The following SCARB1 variants were observed in gnomAD, a reference collection of about 807,000 sequenced individuals.
SCARB1 encodes the protein scavenger receptor class B member 1.
SCARB1 carries 30 observed loss-of-function variants against 57.2 expected under a neutral mutation model. The ratio of observed to expected loss-of-function variants is 0.52; its 90% CI spans 0.39 to 0.71. The LOEUF is 0.71. SCARB1 is among the 30% of genes least tolerant of loss of function. The pLI is 0.00. For synonymous variants in SCARB1, 249 were observed against 268.3 expected (o/e 0.93, Z 0.70); for missense variants, 543 against 671.2 (o/e 0.81, Z 2.11).
In SCARB1 at chr12:124,817,692, G is replaced by C. The variant is rs905029865; in HGVS notation, c.142C>G (p.Pro48Ala). The C allele has an allele frequency of 3.7e-5, 60 of 1,614,106 alleles. No individual in the cohort carries two copies. Among genetic ancestry groups the C allele is most frequent in the Non-Finnish European group, 4.2e-5 (50 of 1,180,050 alleles). ...QQVLKNVRID[P>A]SSLSFNMWKE... ...CACATGTTGAAGGACAGGCTACTGG[G>C]GTCGATGCGCACGTTCTGCAGGGGA... is the stretch of plus-strand genomic sequence containing the variant. Residue 48 changes from proline to alanine, a missense_variant, in exon 2 of 13, where the codon CCC (proline) becomes GCC (alanine). Physicochemically the swap from Pro to Ala is conservative, Grantham distance 27. Transcript: ENST00000261693. This position sits in a 1 kb window ranked among gnomAD's most constrained non-coding sequence, Gnocchi z 4.8.
intron 2 of SCARB1, among the ~76,000 whole-genome samples, chr12:124,816,098 G>T (rs1304576244): frequency 6.6e-6 from 1 of 152,144 alleles, no homozygotes; most frequent in African/African-American, 2.4e-5. Context: ...TTCCCACCAT[G>T]CGGGTCCAGT....
chr12:124,803,264 G>A (rs1594240312), intron 7 of SCARB1, among the ~76,000 whole-genome samples: 2 of 152,194 alleles, frequency 1.3e-5, no homozygotes, highest in African/African-American at 4.8e-5. Context: ...CACGGGGTGC[G>A]TTGACTTTGT....
chr12:124,784,222 G>T, intron 11 of SCARB1: 1 of 152,434 alleles, frequency 6.6e-6, no homozygotes. Context: ...TGTGGGTTCT[G>T]AGTCCTTCTG....
rs747157 is a variant in SCARB1 at position 124,778,494 on chromosome 12, G to A, written c.*93C>T. On this transcript the variant is annotated 3_prime_UTR_variant, in exon 13 of 13. Transcript: ENST00000261693. ...AGGCTGTGGGGCTGGGGGGCTGTCC[G>A]CTGGGAGAGTCCGGGAGAAGCGGGG... The A allele has an allele frequency of 9.6e-6, 13 of 1,353,048 alleles. No individual in the cohort carries two copies. Among genetic ancestry groups the A allele is most frequent in the South Asian group, 4.1e-5 (2 of 49,362 alleles). The allele number at this position is 1,353,048 out of a possible 1,614,324, so 83.8% of individuals were successfully genotyped here.
chr12:124,778,646 T>TTCCCCC, intron 12 of SCARB1, 60 bp from the exon 13 acceptor site: 4 of 1,337,868 alleles, frequency 3.0e-6, no homozygotes, highest in Non-Finnish European at 3.8e-6. Flanking sequence ...CCCACCCTCA[T>TTCCCCC]CCCCGCCCAC....
In SCARB1 at chr12:124,857,425, T is replaced by C. The variant is rs551585147; in HGVS notation, c.126+6170A>G. ...AAGGCACAAACTCAGGGACAGCCGGTGACATCCCTGGCTGGCCCTGGTGCC... is the reference window on the plus strand; with the variant it reads ...AAGGCACAAACTCAGGGACAGCCGGCGACATCCCTGGCTGGCCCTGGTGCC... On this transcript the variant is annotated intron_variant, in intron 1 of 12. Coordinates refer to ENST00000261693, the MANE Select transcript of SCARB1 (RefSeq NM_005505.5). Among the ~76,000 whole-genome samples the C allele has an allele frequency of 3.2e-4, 48 of 152,310 alleles. No individual in the cohort carries two copies. In the South Asian group the frequency reaches 9.2e-3, roughly 29 times the overall value.
intron 1 of SCARB1, among the ~76,000 whole-genome samples, chr12:124,856,745 C>T (rs531181843): frequency 6.6e-6 from 1 of 152,198 alleles, no homozygotes; most frequent in Non-Finnish European, 1.5e-5. Flanking sequence ...GGCCTCCCCC[C>T]CAGGTTCCGC....
At position 124,778,465 on chromosome 12, in the gene SCARB1, G is replaced by A; in HGVS notation, c.*122C>T. On this transcript the variant is annotated 3_prime_UTR_variant, in exon 13 of 13. Transcript: ENST00000261693. Reference sequence around the variant, plus strand: ...GCAACAGGCACATGGCAGCTGGGAGGCTCAGGCTGTGGGGCTGGGGGGCTG... The same window carrying A: ...GCAACAGGCACATGGCAGCTGGGAGACTCAGGCTGTGGGGCTGGGGGGCTG... 1.5e-6 allele frequency: 2 copies of A among 1,333,754 alleles called. No homozygotes were observed. The highest frequency in any genetic ancestry group is 4.0e-5 in the Admixed American group (1 of 24,756). 82.6% of individuals were successfully genotyped at this position (1,333,754 alleles called of 1,614,324 possible).
intron 1 of SCARB1, among the ~76,000 whole-genome samples, chr12:124,840,696 C>T (rs1951871890): frequency 6.6e-6 from 1 of 152,158 alleles, no homozygotes; most frequent in Non-Finnish European, 1.5e-5. Flanking sequence ...CTCCTTCCCT[C>T]GCACCCCAGT....
intron 7 of SCARB1, among the ~76,000 whole-genome samples, chr12:124,803,549 GAC>G (rs1474334252): frequency 6.6e-6 from 1 of 150,554 alleles, no homozygotes; most frequent in Non-Finnish European, 1.5e-5. Flanking sequence ...CAGCCTGGGC[GAC>G]AGTGATACCC....
chr12:124,856,918 G>A (rs967157035), intron 1 of SCARB1, among the ~76,000 whole-genome samples: 1 of 152,232 alleles, frequency 6.6e-6, no homozygotes, highest in African/African-American at 2.4e-5. Context: ...GACTACCCCC[G>A]GAAGGGAGAG....
At chr12:124,854,818 G>T (rs2135842995) in intron 1 of SCARB1, among the ~76,000 whole-genome samples, 1 of 152,276 alleles carries the variant, frequency 6.6e-6, no homozygotes, top group East Asian at 1.9e-4. Flanking sequence ...GCCAGCCGGG[G>T]CGAGCGTGAG....
At chr12:124,786,305 A>C in intron 11 of SCARB1, 52 bp downstream of exon 11, 1 of 1,608,836 alleles carries the variant, frequency 6.2e-7, no homozygotes, top group Non-Finnish European at 8.5e-7. Context: ...CCTTTCCCCC[A>C]GCAGGCAAGC....
chr12:124,824,394 T>C (rs994856749), intron 1 of SCARB1, among the ~76,000 whole-genome samples: 1 of 152,064 alleles, frequency 6.6e-6, no homozygotes, highest in Non-Finnish European at 1.5e-5. Flanking sequence ...AAAGGAATGG[T>C]GGGTGACTGC....
chr12:124,782,836 T>C (rs1386671844), intron 11 of SCARB1, 25 bp from the exon 12 acceptor site: 5 of 1,613,758 alleles, frequency 3.1e-6, no homozygotes, highest in East Asian at 2.2e-5. Context: ...AGCTAATTTA[T>C]AGTTGACGTT....
At chr12:124,838,659 A>C (rs573383516) in intron 1 of SCARB1, among the ~76,000 whole-genome samples, 2 of 152,074 alleles carry the variant, frequency 1.3e-5, no homozygotes, top group African/African-American at 4.8e-5. Flanking sequence ...ACCATCTACA[A>C]ACCAACAGCC....
In SCARB1 at chr12:124,817,111, CGTGT is replaced by C. The variant is rs1284131400; in HGVS notation, c.284+435_284+438del. Among the ~76,000 whole-genome samples the C allele has an allele frequency of 7.0e-6, 1 of 142,362 alleles. No individual in the cohort carries two copies. The highest frequency in any genetic ancestry group is 2.6e-5 in the African/African-American group (1 of 38,768). 93.4% of individuals were successfully genotyped at this position (142,362 alleles called of 152,430 possible). A position where few individuals can be genotyped will look rare whatever the true frequency, so the allele number is the denominator to read the frequency against. ...GTATGTGTGTGTGTATGTGTATGTA[CGTGT>C]GTATGTATGTATGTGTGTATGTGTA... On this transcript the variant is annotated intron_variant, in intron 2 of 12. Coordinates refer to ENST00000261693, the MANE Select transcript of SCARB1 (RefSeq NM_005505.5). This position sits in a 1 kb window ranked among gnomAD's most constrained non-coding sequence, Gnocchi z 4.8.
At chr12:124,816,737 C>T (rs1274620424) in intron 2 of SCARB1, among the ~76,000 whole-genome samples, 1 of 151,974 alleles carries the variant, frequency 6.6e-6, no homozygotes, top group Non-Finnish European at 1.5e-5. Context: ...CAGGCACATC[C>T]GCCAGCCGTC....
At chr12:124,858,379 C>T (rs919891797) in intron 1 of SCARB1, among the ~76,000 whole-genome samples, 1 of 152,052 alleles carries the variant, frequency 6.6e-6, no homozygotes, top group Admixed American at 6.6e-5. Context: ...CAATCGCGGC[C>T]CTTAGTGTGC....
Sources: gnomAD v4.1 joint callset for allele counts (sites outside exome capture counted in the v4.1 genomes callset) on GRCh38, gnomAD v4.1.1 for gene constraint, Gnocchi (gnomAD v3.1) non-coding constraint, MANE v1.5 for transcripts, NCBI Gene and HGNC (gene_info 2026-07-23, HGNC 2026-07-21) for gene names.